The following USP18 variants were observed in gnomAD, a reference collection of about 807,000 sequenced individuals.
The protein encoded by USP18 is ubl carboxyl-terminal hydrolase 18.
A neutral mutation model predicts 48.7 loss-of-function variants in USP18; 11 were observed. The ratio of observed to expected loss-of-function variants is 0.23; its 90% CI spans 0.14 to 0.37. The LOEUF is 0.37. Ranked by LOEUF, USP18 falls within the 10% of genes least tolerant of loss-of-function variation. USP18 has a pLI of 1.00. For synonymous variants in USP18, 114 were observed against 163.2 expected, an observed-to-expected ratio of 0.70 and a Z score of 2.30; for missense variants, 285 against 436.4, an observed-to-expected ratio of 0.65 and a Z score of 3.09.
chr22:18,155,833 C>T (rs553005690), intron 1 of USP18, among the ~76,000 whole-genome samples: 11 of 152,354 alleles, frequency 7.2e-5, no homozygotes, highest in Non-Finnish European at 1.5e-4. Flanking sequence ...GGCTCCACGC[C>T]GCCGAGTCCC....
chr22:18,151,656 G>GTT (rs1009010474), intron 1 of USP18, among the ~76,000 whole-genome samples: 4 of 146,658 alleles, frequency 2.7e-5, no homozygotes, highest in African/African-American at 5.0e-5. Context: ...TCCACGAGCT[G>GTT]TTTTTTTTTT....
intron 5 of USP18, 143 bp from the exon 6 acceptor site, chr22:18,167,743 CACTT>C (rs1312155741): frequency 3.3e-6 from 2 of 611,122 alleles, no homozygotes. Flanking sequence ...CCACATAAAA[CACTT>C]ATCACAGTTT....
chr22:18,170,787 C>G lies in USP18; in HGVS notation c.758C>G (p.Thr253Arg). ...LKLTHLPQTL[T>R]IHLMRFSIRN... ...CTGACCCATTTGCCCCAGACCCTGA[C>G]AATCCACCTCATGCGATTCTCCATC... Residue 253 changes from threonine (T) to arginine (R), a missense_variant, in exon 8 of 11, where the codon ACA (threonine) becomes AGA (arginine). Physicochemically the swap from Thr to Arg is moderately conservative, Grantham distance 71. This residue lies in a region of USP18 where 34 missense variants were observed against 94.8 expected (regional missense o/e 0.36). Transcript: ENST00000215794. The G allele has an allele frequency of 6.2e-7, 1 of 1,605,274 alleles. No homozygotes were observed. Among genetic ancestry groups the G allele is most frequent in the Middle Eastern group, 1.7e-4 (1 of 6,036 alleles).
intron 1 of USP18, among the ~76,000 whole-genome samples, chr22:18,150,655 G>A (rs1217262314): frequency 6.6e-6 from 1 of 152,182 alleles, no homozygotes; most frequent in Non-Finnish European, 1.5e-5. Context: ...TGTGTTAATG[G>A]CATTAAAAAT....
intron 3 of USP18, among the ~76,000 whole-genome samples, chr22:18,160,514 G>C (rs1929300151): frequency 6.6e-6 from 1 of 151,838 alleles, no homozygotes; most frequent in Non-Finnish European, 1.5e-5. Context: ...GTGTTAGCCA[G>C]GAAGGTCTCG....
In USP18 at chr22:18,157,657, A is replaced by C. The variant is rs1324427699; in HGVS notation, c.-7A>C. 6.2e-7 allele frequency: 1 copy of C among 1,613,986 alleles called. No homozygotes were observed. The highest frequency in any genetic ancestry group is 8.5e-7 in the Non-Finnish European group (1 of 1,179,956). ...GCTGCGGCCTGGGGGTTTTGGAGTG[A>C]TCACGAATGAGCAAGGCGTTTGGGC... On this transcript the variant is annotated 5_prime_UTR_variant, in exon 2 of 11. Transcript: ENST00000215794.
At chr22:18,172,559 A>AT (rs201688482) in intron 8 of USP18, among the ~76,000 whole-genome samples, 7,343 of 151,196 alleles carry the variant, frequency 0.049, 271 homozygotes, top group African/African-American at 0.083. Context: ...TTGGTTGAAT[A>AT]TTTTTTTCAT....
chr22:18,173,228 C>T lies in USP18; in HGVS notation c.970C>T (p.Arg324Trp), dbSNP rs750876804. ...ADSGHYCVYIRNAVDGKWFCF... is the reference protein window; with the variant it reads ...ADSGHYCVYIWNAVDGKWFCF... ...CTCCGGTCATTACTGTGTCTACATC[C>T]GGAATGCTGTGGATGGAAAATGGTT... Residue 324 changes from arginine to tryptophan, a missense_variant, in exon 9 of 11, where the codon CGG becomes TGG. By Grantham distance (101) the Arg-to-Trp change is moderately radical. Around this residue, in one of 5 missense-constraint regions of USP18, gnomAD observed 44 missense variants for 64.4 expected, o/e 0.68. Transcript: ENST00000215794. 41 of 1,608,120 alleles carry T rather than the reference C, an allele frequency of 2.5e-5. No homozygotes were observed. Among genetic ancestry groups the T allele is most frequent in the Admixed American group, 2.2e-4 (13 of 59,460 alleles).
At chr22:18,160,450 G>A (rs1346202903) in intron 3 of USP18, among the ~76,000 whole-genome samples, 182 bp downstream of exon 3, 1 of 151,660 alleles carries the variant, frequency 6.6e-6, no homozygotes, top group African/African-American at 2.4e-5. Flanking sequence ...GGACTAGCCC[G>A]CCACCATGCC....
At chr22:18,159,987 T>A (rs558970706) in intron 2 of USP18, among the ~76,000 whole-genome samples, 185 bp from the exon 3 acceptor site, 11 of 151,802 alleles carry the variant, frequency 7.2e-5, no homozygotes, top group African/African-American at 2.4e-4. Context: ...GATTTTTGGA[T>A]TTTTTTTGTA....
At chr22:18,155,574 C>T (rs1052168573) in intron 1 of USP18, among the ~76,000 whole-genome samples, 138 of 152,292 alleles carry the variant, frequency 9.1e-4, no homozygotes, top group Middle Eastern at 3.4e-3. Context: ...TGTGGGCCAG[C>T]GCGAGTTCCG....
chr22:18,160,292 G>A lies in USP18; in HGVS notation c.254+24G>A, dbSNP rs377211699. 2,503 of 1,613,038 alleles carry A rather than the reference G, an allele frequency of 1.6e-3. 3 individuals carry two copies. Among genetic ancestry groups the A allele is most frequent in the Non-Finnish European group, 2.0e-3 (2,353 of 1,179,132 alleles). Reference sequence around the variant, plus strand: ...AGGTAAGACTGTTCTTCAGGCTGATGAGCATTTGTATTATTTCTTTTTCCT... The same window carrying A: ...AGGTAAGACTGTTCTTCAGGCTGATAAGCATTTGTATTATTTCTTTTTCCT... On this transcript the variant is annotated intron_variant, in intron 3 of 10. Coordinates refer to ENST00000215794, the MANE Select transcript of USP18 (RefSeq NM_017414.4).
chr22:18,157,937 GT>G, intron 2 of USP18, 117 bp downstream of exon 2: 6 of 1,395,902 alleles, frequency 4.3e-6, no homozygotes, highest in Non-Finnish European at 5.8e-6. Context: ...CTGTGCCTGA[GT>G]TTCTGCATCT....
chr22:18,158,582 A>G (rs2123729824), intron 2 of USP18, among the ~76,000 whole-genome samples: 1 of 152,280 alleles, frequency 6.6e-6, no homozygotes, highest in African/African-American at 2.4e-5. Flanking sequence ...GATTAGTGGT[A>G]CTTCCCTTGT....
intron 4 of USP18, among the ~76,000 whole-genome samples, chr22:18,164,165 G>A: frequency 6.6e-6 from 1 of 152,200 alleles, no homozygotes; most frequent in Non-Finnish European, 1.5e-5. Flanking sequence ...GGGAGCAGCT[G>A]TGGAGGTGCT....
At chr22:18,172,677 G>A (rs1284814277) in intron 8 of USP18, among the ~76,000 whole-genome samples, 1 of 151,280 alleles carries the variant, frequency 6.6e-6, no homozygotes, top group Non-Finnish European at 1.5e-5. Flanking sequence ...GTAAAGTTCT[G>A]CACAAAGTCT....
At position 18,170,496 on chromosome 22, in the gene USP18, C is replaced by T. The variant is rs35820212; in HGVS notation, c.724-257C>T. 5.1e-3 allele frequency among the ~76,000 whole-genome samples: 772 copies of T among 152,308 alleles called. 4 individuals are homozygous for T. Among genetic ancestry groups the T allele is most frequent in the Non-Finnish European group, 8.3e-3 (564 of 68,022 alleles). On this transcript the variant is annotated intron_variant, in intron 7 of 10. Coordinates refer to ENST00000215794, the MANE Select transcript of USP18 (RefSeq NM_017414.4). ...CGAGACCAGCTCCCTGGAGCAGACG[C>T]GGTGGCTCCCTGGGTCCTGGTACCT...
chr22:18,151,081 T>C (rs1928987741), intron 1 of USP18, among the ~76,000 whole-genome samples: 1 of 149,288 alleles, frequency 6.7e-6, no homozygotes, highest in Non-Finnish European at 1.5e-5. Flanking sequence ...TATACATTCA[T>C]ACAAATATAT....
chr22:18,172,932 T>C (rs868852421), intron 8 of USP18, among the ~76,000 whole-genome samples: 6 of 149,908 alleles, frequency 4.0e-5, no homozygotes, highest in African/African-American at 9.8e-5. Context: ...CTGCCTTCCA[T>C]CTCTTGCGTG....
Sources: gnomAD v4.1 joint callset for allele counts (sites outside exome capture counted in the v4.1 genomes callset) on GRCh38, gnomAD v4.1.1 for gene constraint, gnomAD v4.1.1 regional missense constraint, MANE v1.5 for transcripts, NCBI Gene and HGNC (gene_info 2026-07-23, HGNC 2026-07-21) for gene names.